The following MYBBP1A variants were observed in gnomAD, a reference collection of about 807,000 sequenced individuals.
MYBBP1A encodes MYB binding protein 1a, also known as myb-binding protein 1A.
In MYBBP1A, 147 loss-of-function variants were observed where a neutral mutation model predicts 136.3. The observed-to-expected ratio is 1.08, with a 90% CI of 0.94 to 1.24. The LOEUF (loss-of-function observed/expected upper bound fraction) is 1.24, where lower values mean the gene tolerates loss of function less well. Among genes scored for constraint, MYBBP1A ranks in the 50% most tolerant of loss-of-function variants. The pLI is 0.00. For synonymous variants in MYBBP1A, 947 were observed against 735.8 expected, an observed-to-expected ratio of 1.29 and a Z score of -4.65; for missense variants, 2,060 against 1,727.4, an observed-to-expected ratio of 1.19 and a Z score of -3.41.
rs746842975 is a variant in MYBBP1A at position 4,552,480 on chromosome 17, C to T, written c.708G>A (p.Val236=). 1.9e-6 allele frequency: 3 copies of T among 1,613,418 alleles called. No homozygotes were observed. The highest frequency in any genetic ancestry group is 2.7e-5 in the African/African-American group (2 of 74,934). ...PSKLKKLVGS[V]NLFSDENVPR... ...GGACATTCTCATCTGAGAATAGGTT[C>T]ACGGATCCCACCAGCTTCTTGAGCT... The change falls in exon 6 of 26, where the codon GTG becomes GTA. Residue 236 remains valine (V), a synonymous_variant. Transcript: ENST00000254718. This position sits in a 1 kb window ranked among gnomAD's most constrained non-coding sequence, Gnocchi z 4.7.
chr17:4,542,703 C>G lies in MYBBP1A; in HGVS notation c.2931G>C (p.Val977=), dbSNP rs374197013. 7 of 1,613,904 alleles carry G rather than the reference C, an allele frequency of 4.3e-6. No individual in the cohort carries two copies. The highest frequency in any genetic ancestry group is 5.1e-6 in the Non-Finnish European group (6 of 1,179,962). Residue 977 remains valine, a synonymous_variant, in exon 21 of 26, where the codon GTG becomes GTC. Transcript: ENST00000254718. ...SCLDLNLVTR[V]YSTALSSFLT... Reference sequence around the variant, plus strand: ...GGAAGGAGCTCAGTGCTGTCGAGTACACCCGGGTCACCAGGTTCAAGTCCA... The same window carrying G: ...GGAAGGAGCTCAGTGCTGTCGAGTAGACCCGGGTCACCAGGTTCAAGTCCA...
Position 4,548,021 on chromosome 17 carries a change from G to C in MYBBP1A, c.1761C>G (p.Ser587=). Residue 587 remains serine, a synonymous_variant, in exon 13 of 26, where the codon TCC becomes TCG. Transcript: ENST00000254718. This position sits in a 1 kb window ranked among gnomAD's most constrained non-coding sequence, Gnocchi z 4.2. ...GGAAGGCAGCAGCCCTGGCCTCTGCGGAGTGGGCCTCCAGCTCCTTCAGAG... is the reference window on the plus strand; with the variant it reads ...GGAAGGCAGCAGCCCTGGCCTCTGCCGAGTGGGCCTCCAGCTCCTTCAGAG... ...LQTLKELEAH[S]AEARAAAFQH... 1 of 1,551,198 alleles carries C rather than the reference G, an allele frequency of 6.4e-7. No homozygotes were observed. The highest frequency in any genetic ancestry group is 1.7e-4 in the Middle Eastern group (1 of 5,812).
chr17:4,544,140 T>C (rs1906727474), intron 19 of MYBBP1A, among the ~76,000 whole-genome samples: 1 of 151,164 alleles, frequency 6.6e-6, no homozygotes, highest in Non-Finnish European at 1.5e-5. Flanking sequence ...GCACCCACTG[T>C]CCCCCTCCAC....
rs1906457835 is a variant in MYBBP1A at position 4,541,768 on chromosome 17, G to A, written c.3195+16C>T. 4 of 1,604,460 alleles carry A rather than the reference G, an allele frequency of 2.5e-6. No homozygotes were observed. Among genetic ancestry groups the A allele is most frequent in the East Asian group, 2.2e-5 (1 of 44,852 alleles). ...GATTCTGAGGGGGTGGGGAAAGGGC[G>A]CCCCCCGGCTGTTACCTCGGTGACC... is the stretch of plus-strand genomic sequence containing the variant. On this transcript the variant is annotated intron_variant, in intron 23 of 25. Transcript: ENST00000254718.
chr17:4,554,887 G>A lies in MYBBP1A; in HGVS notation c.268C>T (p.Pro90Ser). The change falls in exon 2 of 26, where the codon CCC becomes TCC. Residue 90 changes from proline (P) to serine (S), a missense_variant. Transcript: ENST00000254718. ...GLGVGRETAR[P>S]CYSLALAQLL... ...TGTGCCAGGGCCAAACTGTAGCAGG[G>A]CCGGGCTGTTTCTCGCCCGACCCCG... is the stretch of plus-strand genomic sequence containing the variant. The A allele has an allele frequency of 1.9e-6, 3 of 1,613,602 alleles. No individual in the cohort carries two copies. Among genetic ancestry groups the A allele is most frequent in the Non-Finnish European group, 2.5e-6 (3 of 1,180,024 alleles).
At position 4,541,579 on chromosome 17, in the gene MYBBP1A, C is replaced by A; in HGVS notation, c.3196-15G>T. 6.2e-7 allele frequency: 1 copy of A among 1,609,426 alleles called. No individual in the cohort carries two copies. On this transcript the variant is annotated splice_polypyrimidine_tract_variant and intron_variant, in intron 23 of 25. Transcript: ENST00000254718. ...ACGCGCAAGTTCTAGGGAAGGGTGG[C>A]CAGGCTGAGGCACTCCGGAGAGCTG...
Position 4,541,985 on chromosome 17 carries a change from G to A in MYBBP1A, c.3088-94C>T, listed in dbSNP as rs188152238. 3.1e-3 allele frequency: 2,797 copies of A among 895,220 alleles called. 14 individuals are homozygous for A. The highest frequency in any genetic ancestry group is 4.1e-3 in the Non-Finnish European group (2,375 of 574,898). The allele number at this position is 895,220 out of a possible 1,614,324, so 55.5% of individuals were successfully genotyped here. A position where few individuals can be genotyped will look rare whatever the true frequency, so the allele number is the denominator to read the frequency against. ...AGGGCTCGGGGGCCCGCTGGGCACT[G>A]CTGTGGGCAGCGTGTGAGGCTGCCT... On this transcript the variant is annotated intron_variant, in intron 22 of 25. Transcript: ENST00000254718.
At chr17:4,544,267 C>G (rs1906740171) in intron 19 of MYBBP1A, among the ~76,000 whole-genome samples, 1 of 152,158 alleles carries the variant, frequency 6.6e-6, no homozygotes, top group Non-Finnish European at 1.5e-5. Context: ...AGCTCCAGGG[C>G]ACTGTTGGCA....
rs372491943 is a variant in MYBBP1A at position 4,544,934 on chromosome 17, G to C, written c.2311-13C>G. ...TGTCCTCTCCACCCTGAGGGACAGAGGCCCAGCGGTCAGCCAGGCCTCGGG... is the reference window on the plus strand; with the variant it reads ...TGTCCTCTCCACCCTGAGGGACAGACGCCCAGCGGTCAGCCAGGCCTCGGG... On this transcript the variant is annotated splice_polypyrimidine_tract_variant and intron_variant, in intron 17 of 25. Transcript: ENST00000254718. 10 of 1,593,410 alleles carry C rather than the reference G, an allele frequency of 6.3e-6. No individual in the cohort carries two copies. Among genetic ancestry groups the C allele is most frequent in the South Asian group, 1.1e-5 (1 of 88,006 alleles).
rs142916388 is a variant in MYBBP1A at position 4,552,268 on chromosome 17, G to A, written c.762C>T (p.Ala254=). 6.2e-6 allele frequency: 10 copies of A among 1,613,990 alleles called. No individual in the cohort carries two copies. The highest frequency in any genetic ancestry group is 5.3e-5 in the African/African-American group (4 of 74,944). Residue 254 remains alanine (A), a synonymous_variant, in exon 7 of 26, where the codon GCC becomes GCT. Transcript: ENST00000254718. This position sits in a 1 kb window ranked among gnomAD's most constrained non-coding sequence, Gnocchi z 4.7. Reference sequence around the variant, plus strand: ...TGCGGTCCTTCTTCACAGAGGAGGCGGCCATCTTCAGCACATTCACCAGCC... The same window carrying A: ...TGCGGTCCTTCTTCACAGAGGAGGCAGCCATCTTCAGCACATTCACCAGCC... ...VPRLVNVLKM[A]ASSVKKDRKL...
chr17:4,541,045 G>A (rs565727407), intron 24 of MYBBP1A, among the ~76,000 whole-genome samples: 87 of 152,024 alleles, frequency 5.7e-4, no homozygotes, highest in African/African-American at 2.0e-3. Flanking sequence ...CCAGACCGGG[G>A]GACCCAGATG....
At position 4,539,986 on chromosome 17, in the gene MYBBP1A, G is replaced by C. The variant is rs199681845; in HGVS notation, c.3435-19C>G. The C allele has an allele frequency of 6.6e-4, 1,051 of 1,590,152 alleles. 1 individual carries two copies. The highest frequency in any genetic ancestry group is 8.4e-4 in the Non-Finnish European group (981 of 1,173,552). The stretch of plus-strand genomic sequence containing the variant: ...GGGGCGCCTGAAGGGAAGTGAGCAA[G>C]GTTAGAAGGTGCCCATCGAGGGCAG... On this transcript the variant is annotated intron_variant, in intron 25 of 25. Transcript: ENST00000254718.
chr17:4,545,885 G>T lies in MYBBP1A; in HGVS notation c.1882C>A (p.Leu628Met). The change falls in exon 14 of 26, where the codon CTG becomes ATG. Residue 628 changes from leucine to methionine, a missense_variant. Leu to Met is a conservative substitution (Grantham distance 15, BLOSUM62 2). Coordinates refer to ENST00000254718, the MANE Select transcript of MYBBP1A (RefSeq NM_014520.4). The part of the protein sequence containing the change: ...GDIQTCIRKS[L>M]GEKPRRSRTK... ...CGGCTCCGGCGGGGCTTCTCTCCCA[G>T]ACTTTTCCTGATGCAGGTCTGGATG... The T allele has an allele frequency of 6.2e-7, 1 of 1,613,364 alleles. No individual in the cohort carries two copies. The highest frequency in any genetic ancestry group is 1.3e-5 in the African/African-American group (1 of 75,058).
At position 4,552,589 on chromosome 17, in the gene MYBBP1A, A is replaced by G. The variant is rs1907623116; in HGVS notation, c.599T>C (p.Val200Ala). Residue 200 changes from valine (V) to alanine (A), a missense_variant, in exon 6 of 26, where the codon GTC becomes GCC. Val to Ala is a moderately conservative substitution (Grantham distance 64). Transcript: ENST00000254718. The surrounding 1 kb of genome is among the most constrained non-coding windows in gnomAD (Gnocchi z 4.7). ...TATTATATTCAAGTCGGCTTTGAGG[A>G]CCTCCGGCAGGATCTCCTGCAATGT... is the stretch of plus-strand genomic sequence containing the variant. Reference protein sequence around the residue: ...KATLQEILPEVLKADLNIILS... With the variant: ...KATLQEILPEALKADLNIILS... 3.1e-6 allele frequency: 5 copies of G among 1,613,594 alleles called. No homozygotes were observed. Among genetic ancestry groups the G allele is most frequent in the Non-Finnish European group, 4.2e-6 (5 of 1,179,910 alleles).
Position 4,544,372 on chromosome 17 carries a change from G to A in MYBBP1A, c.2639+117C>T, listed in dbSNP as rs893122086. Reference sequence around the variant, plus strand: ...TGAGCAGTGAGCCTGCGAGCTAGGGGCCCAGGCTGGAAGCTTGGCTCTCTC... The same window carrying A: ...TGAGCAGTGAGCCTGCGAGCTAGGGACCCAGGCTGGAAGCTTGGCTCTCTC... On this transcript the variant is annotated intron_variant, in intron 19 of 25. Transcript: ENST00000254718. The A allele has an allele frequency of 5.2e-6, 7 of 1,354,106 alleles. No homozygotes were observed. In the East Asian group the frequency reaches 1.0e-4, roughly 19 times the overall value. The allele number at this position is 1,354,106 out of a possible 1,614,324, so 83.9% of individuals were successfully genotyped here. A position where few individuals can be genotyped will look rare whatever the true frequency, so the allele number is the denominator to read the frequency against.
Position 4,540,427 on chromosome 17 carries a change from G to C in MYBBP1A, c.3355C>G (p.Leu1119Val). Residue 1119 changes from leucine to valine, a missense_variant, in exon 25 of 26, where the codon CTA becomes GTA. Physicochemically the swap from Leu to Val is conservative, Grantham distance 32. Transcript: ENST00000254718. ...LGVLQGQQQS[L>V]QQGAHSTGSS... The stretch of plus-strand genomic sequence containing the variant: ...CCGGTGGAGTGTGCCCCCTGCTGTA[G>C]GCTCTGCTGTTGCCCCTGCAGCACA... The C allele has an allele frequency of 6.2e-7, 1 of 1,611,190 alleles. No individual in the cohort carries two copies. Among genetic ancestry groups the C allele is most frequent in the Non-Finnish European group, 8.5e-7 (1 of 1,179,764 alleles).
Position 4,545,681 on chromosome 17 carries a change from G to A in MYBBP1A, c.2002C>T (p.Gln668Ter), listed in dbSNP as rs1906942983. The change falls in exon 15 of 26, where the codon CAG becomes TAG. Residue 668 changes from glutamine to a stop codon, truncating the protein, a stop_gained. Coordinates refer to ENST00000254718, the MANE Select transcript of MYBBP1A (RefSeq NM_014520.4). LOFTEE classifies it high-confidence loss of function. ...TGGCCAAACACGCTCCGGGCCACCT[G>A]GCGCATGAGGTGGCTGGGCTGGGCC... Reference protein sequence around the residue: ...LLAQPSHLMRQVARSVFGHIC... With the variant: ...LLAQPSHLMR 6.2e-7 allele frequency: 1 copy of A among 1,611,450 alleles called. No individual in the cohort carries two copies. The highest frequency in any genetic ancestry group is 8.5e-7 in the Non-Finnish European group (1 of 1,178,368).
In MYBBP1A at chr17:4,549,501, G is replaced by A. The variant is rs547572996; in HGVS notation, c.1320-59C>T. ...CTTATAACTGGCAGAAACAGGCTGGGCCCAGTGGCTCACACCTGTAATCCC... is the reference window on the plus strand; with the variant it reads ...CTTATAACTGGCAGAAACAGGCTGGACCCAGTGGCTCACACCTGTAATCCC... On this transcript the variant is annotated intron_variant, in intron 9 of 25. Transcript: ENST00000254718. 1.5e-3 allele frequency: 2,210 copies of A among 1,485,156 alleles called. 1 individual carries two copies. Among genetic ancestry groups the A allele is most frequent in the Non-Finnish European group, 1.8e-3 (1,973 of 1,083,226 alleles). 92.0% of individuals were successfully genotyped at this position (1,485,156 alleles called of 1,614,324 possible). A position where few individuals can be genotyped will look rare whatever the true frequency, so the allele number is the denominator to read the frequency against.
At chr17:4,543,499 G>A (rs1906660684) in intron 19 of MYBBP1A, among the ~76,000 whole-genome samples, 1 of 152,190 alleles carries the variant, frequency 6.6e-6, no homozygotes, top group Non-Finnish European at 1.5e-5. Flanking sequence ...TGTAAAGCGA[G>A]ACAAGGGTTC....
Sources: gnomAD v4.1 joint callset for allele counts (sites outside exome capture counted in the v4.1 genomes callset) on GRCh38, gnomAD v4.1.1 for gene constraint, Gnocchi (gnomAD v3.1) non-coding constraint, MANE v1.5 for transcripts, NCBI Gene and HGNC (gene_info 2026-07-23, HGNC 2026-07-21) for gene names.